Variants in CYRIB observed in about 807,000 individuals in gnomAD.
The protein encoded by CYRIB is CYFIP-related Rac1 interactor B.
Under a neutral mutation model 44.2 loss-of-function variants are expected in CYRIB, and 8 were observed. That is an observed-to-expected ratio of 0.18 (90% CI 0.11 to 0.33). CYRIB has a LOEUF of 0.33. Among genes scored for constraint, CYRIB ranks in the 10% least tolerant of loss-of-function variants. The pLI, the probability that CYRIB is intolerant of heterozygous loss-of-function variation, is 1.00. For missense variants in CYRIB, 185 were observed against 382.8 expected (o/e 0.48, Z 4.31); for synonymous variants, 131 against 127.2 (o/e 1.03, Z -0.20).
intron 1 of CYRIB, among the ~76,000 whole-genome samples, chr8:129,919,092 T>C (rs920001395): frequency 2.6e-5 from 4 of 152,226 alleles, no homozygotes; most frequent in Non-Finnish European, 5.9e-5. Flanking sequence ...TGTCTCGAAC[T>C]CCTGGCCTCC....
intron 2 of CYRIB, among the ~76,000 whole-genome samples, chr8:129,888,449 C>T (rs1298835091): frequency 6.6e-6 from 1 of 152,230 alleles, no homozygotes; most frequent in Non-Finnish European, 1.5e-5. Flanking sequence ...ACACAATCTG[C>T]TCCGACACAC....
At chr8:129,867,494 C>T (rs974264068) in intron 4 of CYRIB, among the ~76,000 whole-genome samples, 1 of 151,564 alleles carries the variant, frequency 6.6e-6, no homozygotes, top group Non-Finnish European at 1.5e-5. Flanking sequence ...ATGGAAAGTA[C>T]TTATTTCCCT....
chr8:129,895,110 C>CGGGGTT (rs2067311644), intron 2 of CYRIB, among the ~76,000 whole-genome samples: 1 of 8,810 alleles, frequency 1.1e-4, no homozygotes. Context: ...TGTGTGTCGG[C>CGGGGTT]GGGGTTGGGG....
At chr8:129,844,703 T>A (rs1157882218) in intron 11 of CYRIB, among the ~76,000 whole-genome samples, 1 of 152,336 alleles carries the variant, frequency 6.6e-6, no homozygotes, top group East Asian at 1.9e-4. Flanking sequence ...AACATATACA[T>A]ACATATGGAA....
intron 2 of CYRIB, among the ~76,000 whole-genome samples, chr8:129,889,258 T>A (rs974428372): frequency 6.6e-6 from 1 of 151,998 alleles, no homozygotes; most frequent in African/African-American, 2.4e-5. Flanking sequence ...AGAAAAAAAA[T>A]ATTCGTTTCA....
chr8:129,916,422 A>C (rs2080809066), intron 1 of CYRIB, among the ~76,000 whole-genome samples: 1 of 152,170 alleles, frequency 6.6e-6, no homozygotes, highest in African/African-American at 2.4e-5. Flanking sequence ...AAAAAAAAAA[A>C]ACTTCTAATA....
At chr8:129,910,407 A>T (rs1163190118) in intron 1 of CYRIB, among the ~76,000 whole-genome samples, 1 of 151,906 alleles carries the variant, frequency 6.6e-6, no homozygotes, top group African/African-American at 2.4e-5. Context: ...ATACATTCTA[A>T]TTAACACTAC....
intron 1 of CYRIB, among the ~76,000 whole-genome samples, chr8:129,975,157 G>A (rs1457352145): frequency 2.6e-5 from 4 of 152,070 alleles, no homozygotes; most frequent in Admixed American, 2.6e-4. Flanking sequence ...GGGATTACAG[G>A]CGTGAGCCAC....
chr8:129,846,910 AT>A (rs1387169234), intron 10 of CYRIB, 36 bp from the exon 13 acceptor site: 6 of 1,301,486 alleles, frequency 4.6e-6, no homozygotes, highest in Admixed American at 2.3e-5. Context: ...TAAAACAGCC[AT>A]TTTTTTCATG....
intron 1 of CYRIB, among the ~76,000 whole-genome samples, chr8:129,907,119 C>T (rs2075811890): frequency 1.3e-5 from 2 of 152,222 alleles, no homozygotes; most frequent in South Asian, 2.1e-4. Flanking sequence ...CAAAGGATTA[C>T]AAATCATGCT....
intron 4 of CYRIB, chr8:129,868,740 T>C (rs2055246421): frequency 6.6e-6 from 1 of 152,002 alleles, no homozygotes; most frequent in African/African-American, 2.4e-5. Flanking sequence ...TCTACCACTA[T>C]ACTCTATTCC....
chr8:129,879,553 C>T (rs149403785), intron 2 of CYRIB, 82 bp from the exon 5 acceptor site: 11 of 1,038,206 alleles, frequency 1.1e-5, no homozygotes, highest in East Asian at 9.8e-5. Context: ...AAAATAGTAA[C>T]AGGGAAAATG....
chr8:129,928,915 T>C (rs114937692), intron 1 of CYRIB, among the ~76,000 whole-genome samples: 3,727 of 152,276 alleles, frequency 0.024, 165 homozygotes, highest in African/African-American at 0.084. Context: ...AAGTTTTCCA[T>C]ATGACCCAAT....
At chr8:129,960,316 C>T (rs2095165293) in intron 2 of CYRIB, among the ~76,000 whole-genome samples, 1 of 152,212 alleles carries the variant, frequency 6.6e-6, no homozygotes, top group South Asian at 2.1e-4. Flanking sequence ...AAATCACGAT[C>T]AGGCGCAGTA....
At chr8:129,842,656 T>C (rs2037092397) in intron 11 of CYRIB, among the ~76,000 whole-genome samples, 1 of 152,356 alleles carries the variant, frequency 6.6e-6, no homozygotes, top group South Asian at 2.1e-4. Flanking sequence ...TCATGTGTTA[T>C]TGTGGAAATT....
exon 12 of CYRIB, chr8:129,842,035 T>G (rs1411449923): frequency 6.5e-6 from 5 of 767,630 alleles, no homozygotes; most frequent in African/African-American, 1.8e-5. Context: ...AGGAAAGAAA[T>G]AAAAGCAAGA....
intron 1 of CYRIB, chr8:130,004,727 C>T (rs2096996778): frequency 1.3e-5 from 2 of 151,648 alleles, no homozygotes; most frequent in African/African-American, 2.4e-5. Context: ...CATGGAAAAC[C>T]AACCTTCAGG....
rs142222294 is a variant in CYRIB at position 129,933,934 on chromosome 8, T to A, written c.-50+5674A>T. On this transcript the variant is annotated intron_variant, in intron 1 of 11. Transcript: ENST00000519824. ...AAGAAGAAGAAGAACCTGATGTGTT[T>A]TGTGCTTGTACTTAAAAGACTCACT... Among the ~76,000 whole-genome samples the A allele has an allele frequency of 4.5e-4, 69 of 152,058 alleles. No individual in the cohort carries two copies. The South Asian group carries it at 1.0e-2, about 22-fold the overall frequency.
chr8:129,863,703 ACTT>A (rs144395985), intron 4 of CYRIB, among the ~76,000 whole-genome samples: 2,578 of 152,228 alleles, frequency 0.017, 86 homozygotes, highest in African/African-American at 0.058. Context: ...AATATAAATG[ACTT>A]CTTCTATACC....
Sources: gnomAD v4.1 joint callset for allele counts (sites outside exome capture counted in the v4.1 genomes callset) on GRCh38, gnomAD v4.1.1 for gene constraint, MANE v1.5 for transcripts, NCBI Gene and HGNC (gene_info 2026-07-23, HGNC 2026-07-21) for gene names.